Variants in RAB3B observed in about 807,000 individuals in gnomAD.
RAB3B encodes the protein ras-related protein Rab-3B.
Under a neutral mutation model 20.5 loss-of-function variants are expected in RAB3B, and 11 were observed. The observed-to-expected ratio is 0.54, with a 90% CI of 0.34 to 0.89. The LOEUF (loss-of-function observed/expected upper bound fraction) is 0.89. Among genes scored for constraint, RAB3B ranks in the 40% least tolerant of loss-of-function variants. RAB3B has a pLI of 0.02. For missense variants in RAB3B, 225 were observed against 280.9 expected (o/e 0.80, Z 1.42); for synonymous variants, 99 against 106.3 (o/e 0.93, Z 0.42).
At chr1:51,943,937 C>T (rs1684529084) in intron 2 of RAB3B, among the ~76,000 whole-genome samples, 1 of 152,218 alleles carries the variant, frequency 6.6e-6, no homozygotes, top group South Asian at 2.1e-4. Flanking sequence ...TCCAGAAGAC[C>T]TGCTAAGATC....
intron 2 of RAB3B, among the ~76,000 whole-genome samples, chr1:51,945,686 GCCC>G (rs1684554982): frequency 6.6e-6 from 1 of 152,238 alleles, no homozygotes; most frequent in Non-Finnish European, 1.5e-5. Flanking sequence ...CCCAGGGTCT[GCCC>G]TGCTAGAGTG....
In RAB3B at chr1:51,937,287, C is replaced by A. The variant is rs759192237; in HGVS notation, c.347+7G>T. On this transcript the variant is annotated splice_region_variant and intron_variant, in intron 3 of 4. Coordinates refer to ENST00000371655, the MANE Select transcript of RAB3B (RefSeq NM_002867.4). ...GTTAAATGAATGAATGAATATGGGT[C>A]TCATACCAGTCTTGGACAGCATTGA... The A allele has an allele frequency of 1.9e-6, 3 of 1,581,546 alleles. No homozygotes were observed. The highest frequency in any genetic ancestry group is 2.2e-5 in the South Asian group (2 of 90,148).
chr1:51,940,672 G>A (rs1186996753), intron 2 of RAB3B, among the ~76,000 whole-genome samples: 2 of 151,982 alleles, frequency 1.3e-5, no homozygotes, highest in South Asian at 2.1e-4. Context: ...GAAACATGGT[G>A]GTTTGGGGTA....
intron 2 of RAB3B, among the ~76,000 whole-genome samples, chr1:51,955,900 C>G (rs547659037): frequency 6.0e-4 from 91 of 152,148 alleles, no homozygotes; most frequent in Non-Finnish European, 9.4e-4. Flanking sequence ...GCAGACGAGT[C>G]CCCTGAGGAT....
Position 51,990,136 on chromosome 1 carries a change from C to A in RAB3B, c.-1+416G>T, listed in dbSNP as rs1234867954. Among the ~76,000 whole-genome samples, 5 of 121,556 alleles carry A rather than the reference C, an allele frequency of 4.1e-5. 1 individual carries two copies. The East Asian group carries it at 1.3e-3, about 32-fold the overall frequency. The allele number at this position is 121,556 out of a possible 152,430, so 79.7% of individuals were successfully genotyped here. On this transcript the variant is annotated intron_variant, in intron 1 of 4. Transcript: ENST00000371655. ...CCCCGCTCTAGCTCCCCTCAGTCCG[C>A]TCCCTTCACCGCCCCCTTCGCTGCC... is the stretch of plus-strand genomic sequence containing the variant.
chr1:51,952,983 C>T (rs999462071), intron 2 of RAB3B, among the ~76,000 whole-genome samples: 2 of 152,214 alleles, frequency 1.3e-5, no homozygotes, highest in Non-Finnish European at 2.9e-5. Context: ...GGCATCTCCA[C>T]TTAGCCTGAA....
chr1:51,954,299 T>C (rs906801172), intron 2 of RAB3B, among the ~76,000 whole-genome samples: 2 of 152,254 alleles, frequency 1.3e-5, no homozygotes, highest in Non-Finnish European at 2.9e-5. Context: ...GCTTATGTTA[T>C]AATGCTATGT....
rs377673682 is a variant in RAB3B at position 51,989,103 on chromosome 1, G to GCGCGCACACACACACACA, written c.-1+1448_-1+1449insTGTGTGTGTGTGTGCGCG. Among the ~76,000 whole-genome samples, 381 of 132,758 alleles carry GCGCGCACACACACACACA rather than the reference G, an allele frequency of 2.9e-3. 3 individuals are homozygous for GCGCGCACACACACACACA. The highest frequency in any genetic ancestry group is 4.1e-3 in the Middle Eastern group (1 of 242). The allele number at this position is 132,758 out of a possible 152,430, so 87.1% of individuals were successfully genotyped here. A position where few individuals can be genotyped will look rare whatever the true frequency, so the allele number is the denominator to read the frequency against. On this transcript the variant is annotated intron_variant, in intron 1 of 4. Transcript: ENST00000371655. ...CAGGTGGACACCCACCTGTGCGCGC[G>GCGCGCACACACACACACA]CACACACACACACACACACACACAC...
At position 51,937,317 on chromosome 1, in the gene RAB3B, C is replaced by T. The variant is rs750632916; in HGVS notation, c.324G>A (p.Glu108=). ...FILMYDITNE[E]SFNAVQDWAT... is the part of the protein sequence containing the mutation. ...ACCAGTCTTGGACAGCATTGAAGGA[C>T]TCTTCATTGGTGATGTCATACATCA... is the stretch of plus-strand genomic sequence containing the variant. The change falls in exon 3 of 5, where the codon GAG becomes GAA. Residue 108 remains glutamate, a synonymous_variant. Transcript: ENST00000371655. 3 of 1,610,830 alleles carry T rather than the reference C, an allele frequency of 1.9e-6. No homozygotes were observed. The highest frequency in any genetic ancestry group is 4.5e-5 in the East Asian group (2 of 44,818).
In RAB3B at chr1:51,925,213, C is replaced by T. The variant is rs146984340; in HGVS notation, c.473-5099G>A. Reference sequence around the variant, plus strand: ...AGATCCCTTCTCCATCCTGCTCTGACACCACCTCATCTCTGTCATTTATCA... The same window carrying T: ...AGATCCCTTCTCCATCCTGCTCTGATACCACCTCATCTCTGTCATTTATCA... On this transcript the variant is annotated intron_variant, in intron 4 of 4. Coordinates refer to ENST00000371655, the MANE Select transcript of RAB3B (RefSeq NM_002867.4). Among the ~76,000 whole-genome samples the T allele has an allele frequency of 1.8e-3, 273 of 152,338 alleles. 1 individual carries two copies. Among genetic ancestry groups the T allele is most frequent in the African/African-American group, 6.3e-3 (263 of 41,578 alleles).
intron 2 of RAB3B, among the ~76,000 whole-genome samples, chr1:51,974,067 A>AC (rs1477455545): frequency 2.0e-5 from 3 of 151,942 alleles, no homozygotes; most frequent in Non-Finnish European, 4.4e-5. Flanking sequence ...GATCTCTTTG[A>AC]CCCCCAATCT....
chr1:51,989,208 T>TTGTGTGTGTGTGTGTG lies in RAB3B; in HGVS notation c.-1+1328_-1+1343dup, dbSNP rs60661761. 2.4e-3 allele frequency among the ~76,000 whole-genome samples: 241 copies of TTGTGTGTGTGTGTGTG among 99,864 alleles called. 6 individuals carry two copies. The highest frequency in any genetic ancestry group is 0.01 in the African/African-American group (234 of 23,164). 65.5% of individuals were successfully genotyped at this position (99,864 alleles called of 152,430 possible). A position where few individuals can be genotyped will look rare whatever the true frequency, so the allele number is the denominator to read the frequency against. ...CCGGGGGAAGAGGGCCCATCTTGTT[T>TTGTGTGTGTGTGTGTG]TGTGTGTGTGTGTGTGTGTGTGTGT... On this transcript the variant is annotated intron_variant, in intron 1 of 4. Coordinates refer to ENST00000371655, the MANE Select transcript of RAB3B (RefSeq NM_002867.4).
chr1:51,950,868 C>T (rs1222345591), intron 2 of RAB3B, among the ~76,000 whole-genome samples: 1 of 152,144 alleles, frequency 6.6e-6, no homozygotes, highest in Admixed American at 6.5e-5. Flanking sequence ...TGTTTTTCTG[C>T]AGCAGCTGAG....
At chr1:51,922,434 C>T (rs1230700769) in intron 4 of RAB3B, among the ~76,000 whole-genome samples, 1 of 152,162 alleles carries the variant, frequency 6.6e-6, no homozygotes, top group African/African-American at 2.4e-5. Context: ...TGCCTAATTG[C>T]TCCCAGTCTC....
At chr1:51,965,764 G>GA (rs1486088962) in intron 2 of RAB3B, among the ~76,000 whole-genome samples, 2 of 151,742 alleles carry the variant, frequency 1.3e-5, no homozygotes, top group Non-Finnish European at 1.5e-5. Context: ...AATATTTGTG[G>GA]AAAAAAAACT....
At chr1:51,959,533 A>G (rs1371521874) in intron 2 of RAB3B, among the ~76,000 whole-genome samples, 4 of 152,064 alleles carry the variant, frequency 2.6e-5, no homozygotes, top group Admixed American at 6.5e-5. Context: ...GAGAAACAAA[A>G]AGGAAATGTG....
In RAB3B at chr1:51,909,508, G is replaced by A. The variant is rs1034036769; in HGVS notation, c.*10419C>T. On this transcript the variant is annotated 3_prime_UTR_variant, in exon 5 of 5. Coordinates refer to ENST00000371655, the MANE Select transcript of RAB3B (RefSeq NM_002867.4). ...AATCCTGGTTTTCTGAATGTCGGAGGGCACCTCTAACAAAGGCTCTGGAGC... is the reference window on the plus strand; with the variant it reads ...AATCCTGGTTTTCTGAATGTCGGAGAGCACCTCTAACAAAGGCTCTGGAGC... The A allele has an allele frequency of 6.6e-6, 1 of 152,018 alleles. No individual in the cohort carries two copies. The highest frequency in any genetic ancestry group is 2.4e-5 in the African/African-American group (1 of 41,402). 9.4% of individuals were successfully genotyped at this position (152,018 alleles called of 1,614,324 possible).
At chr1:51,946,302 T>A (rs1210183252) in intron 2 of RAB3B, among the ~76,000 whole-genome samples, 3 of 152,242 alleles carry the variant, frequency 2.0e-5, no homozygotes, top group African/African-American at 7.2e-5. Context: ...GCTCTCACTA[T>A]CCTGTGCTCT....
intron 4 of RAB3B, among the ~76,000 whole-genome samples, chr1:51,924,208 G>A (rs1449315707): frequency 4.6e-5 from 7 of 152,186 alleles, no homozygotes; most frequent in Admixed American, 3.3e-4. Flanking sequence ...GGGCATTGGG[G>A]ACAGCAAGGT....
Sources: gnomAD v4.1 joint callset for allele counts (sites outside exome capture counted in the v4.1 genomes callset) on GRCh38, gnomAD v4.1.1 for gene constraint, MANE v1.5 for transcripts, NCBI Gene and HGNC (gene_info 2026-07-23, HGNC 2026-07-21) for gene names.